The following AFG2A variants were observed in gnomAD, a reference collection of about 807,000 sequenced individuals.
AFG2A encodes the protein ATPase family gene 2 protein homolog A.
the AFG2A span, among the ~76,000 whole-genome samples, chr4:123,026,673 C>T: frequency 1.3e-5 from 2 of 152,084 alleles, no homozygotes; most frequent in Admixed American, 6.5e-5. Context: ...TGAGACCTTA[C>T]GTGCTCTAAG....
chr4:123,305,124 A>G, the AFG2A span, among the ~76,000 whole-genome samples: 1 of 152,132 alleles, frequency 6.6e-6, no homozygotes, highest in African/African-American at 2.4e-5. Context: ...CACAGATCCA[A>G]GTGTTCCCTG....
chr4:123,105,361 A>G, the AFG2A span, among the ~76,000 whole-genome samples: 2 of 152,220 alleles, frequency 1.3e-5, no homozygotes, highest in Non-Finnish European at 2.9e-5. Context: ...TTGACAATGC[A>G]CATGGTTACT....
chr4:123,230,015 T>C, the AFG2A span, among the ~76,000 whole-genome samples: 1 of 152,000 alleles, frequency 6.6e-6, no homozygotes, highest in Admixed American at 6.6e-5. Flanking sequence ...CTAGCAATCA[T>C]CTGAGCCTTC....
chr4:123,216,663 A>ATTT, the AFG2A span, among the ~76,000 whole-genome samples: 8 of 90,770 alleles, frequency 8.8e-5, no homozygotes, highest in Admixed American at 1.4e-4. Flanking sequence ...TATTATTTTT[A>ATTT]CTTTTTTTTT....
chr4:123,133,002 G>C, the AFG2A span, among the ~76,000 whole-genome samples: 1 of 152,026 alleles, frequency 6.6e-6, no homozygotes, highest in Non-Finnish European at 1.5e-5. Context: ...GGATGGTCTC[G>C]ATCTCCTGAC....
At chr4:123,061,461 G>A in the AFG2A span, among the ~76,000 whole-genome samples, 47 of 152,290 alleles carry the variant, frequency 3.1e-4, no homozygotes, top group African/African-American at 1.0e-3. Context: ...AGGAACAAAG[G>A]CATGTCTTAC....
the AFG2A span, among the ~76,000 whole-genome samples, chr4:123,025,956 T>C: frequency 6.6e-6 from 1 of 152,208 alleles, no homozygotes; most frequent in Non-Finnish European, 1.5e-5. Context: ...TTCAAGTATT[T>C]TATACTTGGC....
the AFG2A span, among the ~76,000 whole-genome samples, chr4:123,199,423 A>G: frequency 6.6e-6 from 1 of 151,670 alleles, no homozygotes; most frequent in Non-Finnish European, 1.5e-5. Context: ...GTAATGAAAG[A>G]AACTAAATTA....
chr4:123,213,363 C>T, the AFG2A span, among the ~76,000 whole-genome samples: 3 of 152,124 alleles, frequency 2.0e-5, no homozygotes, highest in Non-Finnish European at 4.4e-5. Flanking sequence ...GCACACCTCT[C>T]TGTGCCCTAA....
the AFG2A span, among the ~76,000 whole-genome samples, chr4:123,070,802 C>T: frequency 3.3e-5 from 5 of 152,116 alleles, no homozygotes; most frequent in Admixed American, 1.3e-4. Context: ...GAAAAGTTGC[C>T]GTTTGAACCC....
the AFG2A span, among the ~76,000 whole-genome samples, chr4:123,111,967 C>T: frequency 1.3e-5 from 2 of 152,130 alleles, no homozygotes; most frequent in African/African-American, 4.8e-5. Context: ...AGGTGATCCG[C>T]CTGCCTCAGC....
chr4:122,960,850 A>C, the AFG2A span, among the ~76,000 whole-genome samples: 1 of 152,188 alleles, frequency 6.6e-6, no homozygotes, highest in Non-Finnish European at 1.5e-5. Flanking sequence ...CTATGTATGT[A>C]ATAGTCCAAC....
the AFG2A span, among the ~76,000 whole-genome samples, chr4:123,132,280 T>C: frequency 1.3e-5 from 2 of 152,154 alleles, no homozygotes; most frequent in African/African-American, 4.8e-5. Flanking sequence ...CTTTGACTAA[T>C]ATCGCACTTT....
the AFG2A span, among the ~76,000 whole-genome samples, chr4:123,181,085 C>T: frequency 1.5e-4 from 23 of 151,332 alleles, 1 homozygote; most frequent in South Asian, 3.6e-3. Context: ...CCCAGGTTCA[C>T]GCCATTCTTC....
chr4:123,239,405 G>C, the AFG2A span, among the ~76,000 whole-genome samples: 1 of 152,102 alleles, frequency 6.6e-6, no homozygotes, highest in African/African-American at 2.4e-5. Flanking sequence ...TTGAAATGAA[G>C]GAAAAAATGT....
chr4:123,194,793 T>C, the AFG2A span, among the ~76,000 whole-genome samples: 1 of 152,168 alleles, frequency 6.6e-6, no homozygotes, highest in East Asian at 1.9e-4. Flanking sequence ...GCAAAAACAG[T>C]TTCTAGGTAC....
the AFG2A span, among the ~76,000 whole-genome samples, chr4:123,022,887 G>C: frequency 6.6e-6 from 1 of 152,004 alleles, no homozygotes; most frequent in Admixed American, 6.6e-5. Flanking sequence ...CCTTTGTAGG[G>C]ACATGGATGA....
chr4:123,070,377 G>A, the AFG2A span, among the ~76,000 whole-genome samples: 1 of 152,102 alleles, frequency 6.6e-6, no homozygotes, highest in Admixed American at 6.6e-5. Context: ...TTGAGGAAGT[G>A]TCTTAGTCCC....
the AFG2A span, among the ~76,000 whole-genome samples, chr4:123,121,335 ATAGT>A: frequency 6.6e-6 from 1 of 152,014 alleles, no homozygotes; most frequent in Admixed American, 6.6e-5. Flanking sequence ...TAAGTTTAGC[ATAGT>A]CTTATTGTAC....
Sources: gnomAD v4.1 joint callset for allele counts (sites outside exome capture counted in the v4.1 genomes callset) on GRCh38, gnomAD v4.1.1 for gene constraint, MANE v1.5 for transcripts, NCBI Gene and HGNC (gene_info 2026-07-23, HGNC 2026-07-21) for gene names.